TMEM127: variants seen among roughly 807,000 people sequenced by gnomAD.
TMEM127 encodes the protein transmembrane protein 127.
TMEM127 carries 21 observed loss-of-function variants against 20.1 expected under a neutral mutation model. The ratio of observed to expected loss-of-function variants is 1.04; its 90% CI spans 0.74 to 1.50. The LOEUF is 1.50. Among genes scored for constraint, TMEM127 ranks in the 40% most tolerant of loss-of-function variants. The pLI, the probability that TMEM127 is intolerant of heterozygous loss-of-function variation, is 0.00. For synonymous variants in TMEM127, 150 were observed against 144.7 expected (o/e 1.04, Z -0.26); for missense variants, 303 against 317.4 (o/e 0.95, Z 0.34).
chr2:96,265,281 G>C lies in TMEM127; in HGVS notation c.101C>G (p.Ala34Gly), dbSNP rs1451389209. The C allele has an allele frequency of 1.9e-6, 3 of 1,566,394 alleles. No homozygotes were observed. Among genetic ancestry groups the C allele is most frequent in the Non-Finnish European group, 2.6e-6 (3 of 1,162,524 alleles). ...PKQPERSLASALPGALSITAL... is the reference protein window; with the variant it reads ...PKQPERSLASGLPGALSITAL... ...CGTGATAGACAGGGCGCCAGGCAGG[G>C]CCGAGGCCAGGCTACGCTCCGGCTG... The change falls in exon 2 of 4, where the codon GCC becomes GGC. Residue 34 changes from alanine to glycine, a missense_variant. Ala to Gly is a moderately conservative substitution (Grantham distance 60). Coordinates refer to ENST00000258439, the MANE Select transcript of TMEM127 (RefSeq NM_017849.4).
intron 2 of TMEM127, among the ~76,000 whole-genome samples, chr2:96,256,043 C>T (rs931360230): frequency 6.6e-5 from 10 of 151,796 alleles, no homozygotes; most frequent in East Asian, 1.9e-4. Context: ...GAGGCCGAGG[C>T]GGGCAGATCA....
chr2:96,256,502 T>C (rs1428030525), intron 2 of TMEM127, among the ~76,000 whole-genome samples: 2 of 141,708 alleles, frequency 1.4e-5, no homozygotes, highest in African/African-American at 2.7e-5. Flanking sequence ...ACCTGGGAGA[T>C]GGAGGTTGCG....
At position 96,251,791 on chromosome 2, in the gene TMEM127, G is replaced by A. The variant is rs1684097201; in HGVS notation, c.*2017C>T. 4.3e-6 allele frequency: 1 copy of A among 233,198 alleles called. No individual in the cohort carries two copies. Among genetic ancestry groups the A allele is most frequent in the East Asian group, 6.1e-5 (1 of 16,522 alleles). 14.4% of individuals were successfully genotyped at this position (233,198 alleles called of 1,614,324 possible). ...AAAGAGAAAGAAGAGGAAGGCCAAAGACATGGGGAGTGAATAAAAAGTGGG... is the reference window on the plus strand; with the variant it reads ...AAAGAGAAAGAAGAGGAAGGCCAAAAACATGGGGAGTGAATAAAAAGTGGG... On this transcript the variant is annotated 3_prime_UTR_variant, in exon 4 of 4. Coordinates refer to ENST00000258439, the MANE Select transcript of TMEM127 (RefSeq NM_017849.4).
In TMEM127 at chr2:96,254,909, G is replaced by A. The variant is rs1467642553; in HGVS notation, c.333C>T (p.Phe111=). 10 of 1,614,040 alleles carry A rather than the reference G, an allele frequency of 6.2e-6. No homozygotes were observed. Among genetic ancestry groups the A allele is most frequent in the African/African-American group, 2.7e-5 (2 of 74,922 alleles). Residue 111 remains phenylalanine (F), a synonymous_variant, in exon 3 of 4, where the codon TTC becomes TTT. Transcript: ENST00000258439. Reference sequence around the variant, plus strand: ...GCTTCGGCCCAAAGACATCCAGAAGGAAAGCGGAGAGACTACACAGGATGC... The same window carrying A: ...GCTTCGGCCCAAAGACATCCAGAAGAAAAGCGGAGAGACTACACAGGATGC... The part of the protein sequence containing the change: ...FLGILCSLSA[F]LLDVFGPKHP...
chr2:96,260,005 A>G (rs1259112098), intron 2 of TMEM127, among the ~76,000 whole-genome samples: 1 of 152,234 alleles, frequency 6.6e-6, no homozygotes, highest in Non-Finnish European at 1.5e-5. Flanking sequence ...GTATGACAAT[A>G]TGATAGAGAG....
chr2:96,262,575 G>A (rs917148861), intron 2 of TMEM127, among the ~76,000 whole-genome samples: 7 of 152,224 alleles, frequency 4.6e-5, no homozygotes, highest in Non-Finnish European at 1.0e-4. Context: ...GATGGCCACA[G>A]GCAAGCAAGT....
At chr2:96,263,678 G>A (rs1251765853) in intron 2 of TMEM127, among the ~76,000 whole-genome samples, 2 of 152,150 alleles carry the variant, frequency 1.3e-5, no homozygotes, top group African/African-American at 4.8e-5. Flanking sequence ...ATCAACAGAG[G>A]TGGGGTAGTC....
At chr2:96,265,058 G>T in intron 2 of TMEM127, 80 bp downstream of exon 2, 1 of 1,584,422 alleles carries the variant, frequency 6.3e-7, no homozygotes. Flanking sequence ...CAAGTGTCTG[G>T]TCCCTGGCTA....
In TMEM127 at chr2:96,250,565, A is replaced by G; in HGVS notation, c.*3243T>C. The stretch of plus-strand genomic sequence containing the variant: ...CTGAATGGACATGAAATGAGAACAC[A>G]CTCCCAGCTTCCAAGAAAGATGTGT... On this transcript the variant is annotated 3_prime_UTR_variant, in exon 4 of 4. Coordinates refer to ENST00000258439, the MANE Select transcript of TMEM127 (RefSeq NM_017849.4). 4.3e-6 allele frequency: 1 copy of G among 232,892 alleles called. No individual in the cohort carries two copies. Among genetic ancestry groups the G allele is most frequent in the Non-Finnish European group, 8.5e-6 (1 of 117,854 alleles). The allele number at this position is 232,892 out of a possible 1,614,324, so 14.4% of individuals were successfully genotyped here. A position where few individuals can be genotyped will look rare whatever the true frequency, so the allele number is the denominator to read the frequency against.
At position 96,263,655 on chromosome 2, in the gene TMEM127, A is replaced by G. The variant is rs185834538; in HGVS notation, c.244+1483T>C. Among the ~76,000 whole-genome samples, 282 of 152,320 alleles carry G rather than the reference A, an allele frequency of 1.9e-3. 1 individual carries two copies. The highest frequency in any genetic ancestry group is 3.6e-3 in the Non-Finnish European group (246 of 68,022). ...TAAAAACTATAAATGACACGGCATCATTTTATATTGGCATCAACAGAGGTG... is the reference window on the plus strand; with the variant it reads ...TAAAAACTATAAATGACACGGCATCGTTTTATATTGGCATCAACAGAGGTG... On this transcript the variant is annotated intron_variant, in intron 2 of 3. Coordinates refer to ENST00000258439, the MANE Select transcript of TMEM127 (RefSeq NM_017849.4).
intron 2 of TMEM127, among the ~76,000 whole-genome samples, chr2:96,259,665 G>T (rs1343702482): frequency 6.6e-6 from 1 of 152,258 alleles, no homozygotes; most frequent in Non-Finnish European, 1.5e-5. Context: ...CAGGACACCG[G>T]AAAGGCTTGG....
At chr2:96,262,260 T>C (rs62153032) in intron 2 of TMEM127, among the ~76,000 whole-genome samples, 1 of 135,826 alleles carries the variant, frequency 7.4e-6, no homozygotes, top group Non-Finnish European at 1.6e-5. Context: ...GTCTGTCTCA[T>C]TTAAAAAAAA....
chr2:96,257,090 G>A (rs778847548), intron 2 of TMEM127, among the ~76,000 whole-genome samples: 8 of 152,354 alleles, frequency 5.3e-5, no homozygotes, highest in Non-Finnish European at 1.0e-4. Context: ...GAGAGCCCAT[G>A]ACAACAACCA....
intron 2 of TMEM127, among the ~76,000 whole-genome samples, chr2:96,256,571 CAAAAAAA>C (rs1234363746): frequency 3.7e-5 from 2 of 54,666 alleles, no homozygotes; most frequent in Admixed American, 2.0e-4. Flanking sequence ...AACTCTGTCT[CAAAAAAA>C]AAAAAAAAAA....
chr2:96,256,511 C>T (rs1164898583), intron 2 of TMEM127, among the ~76,000 whole-genome samples: 4 of 143,140 alleles, frequency 2.8e-5, no homozygotes, highest in Admixed American at 7.4e-5. Context: ...ATGGAGGTTG[C>T]GGTGAGCCGA....
In TMEM127 at chr2:96,248,833, C is replaced by T; in HGVS notation, c.*4975G>A. 1 of 232,426 alleles carries T rather than the reference C, an allele frequency of 4.3e-6. No homozygotes were observed. Among genetic ancestry groups the T allele is most frequent in the East Asian group, 6.1e-5 (1 of 16,496 alleles). The allele number at this position is 232,426 out of a possible 1,614,324, so 14.4% of individuals were successfully genotyped here. On this transcript the variant is annotated 3_prime_UTR_variant, in exon 4 of 4. Coordinates refer to ENST00000258439, the MANE Select transcript of TMEM127 (RefSeq NM_017849.4). ...TTAAGCCAGACGGACTCACAGCTGT[C>T]TCTGGAAAGTTCTTCGTTACCTGAC...
Position 96,255,003 on chromosome 2 carries a change from G to C in TMEM127, c.245-6C>G, listed in dbSNP as rs1573970396. ...CTGGGGATTCATGCAGAAATCTGTA[G>C]AGGGAGAACCAAATTTTCACGGCCC... On this transcript the variant is annotated splice_polypyrimidine_tract_variant and splice_region_variant and intron_variant, in intron 2 of 3. Coordinates refer to ENST00000258439, the MANE Select transcript of TMEM127 (RefSeq NM_017849.4). 1.9e-6 allele frequency: 3 copies of C among 1,614,124 alleles called. No individual in the cohort carries two copies. Among genetic ancestry groups the C allele is most frequent in the Non-Finnish European group, 2.5e-6 (3 of 1,179,994 alleles).
At position 96,253,940 on chromosome 2, in the gene TMEM127, G is replaced by A. The variant is rs758874572; in HGVS notation, c.585C>T (p.Leu195=). 8 of 1,613,958 alleles carry A rather than the reference G, an allele frequency of 5.0e-6. No individual in the cohort carries two copies. The South Asian group carries it at 6.6e-5, about 13-fold the overall frequency. Residue 195 remains leucine, a synonymous_variant, in exon 4 of 4, where the codon CTC becomes CTT. Transcript: ENST00000258439. The surrounding 1 kb of genome is among the most constrained non-coding windows in gnomAD (Gnocchi z 4.3). ...CTTCCTCTGTGGGGTAGTGGCGCAG[G>A]AGGTTGGCTGCCGTGGCCAGGATTG... is the stretch of plus-strand genomic sequence containing the variant. ...GASILATAAN[L]LRHYPTEEEE...
At position 96,252,596 on chromosome 2, in the gene TMEM127, C is replaced by T; in HGVS notation, c.*1212G>A. The T allele has an allele frequency of 4.3e-6, 1 of 234,086 alleles. No individual in the cohort carries two copies. The highest frequency in any genetic ancestry group is 8.5e-6 in the Non-Finnish European group (1 of 118,324). The allele number at this position is 234,086 out of a possible 1,614,324, so 14.5% of individuals were successfully genotyped here. ...TGGAGTCCCGAGTCAGAGTCTAGGGCAGCACTGGGTCTGAAGGACACAGCC... is the reference window on the plus strand; with the variant it reads ...TGGAGTCCCGAGTCAGAGTCTAGGGTAGCACTGGGTCTGAAGGACACAGCC... On this transcript the variant is annotated 3_prime_UTR_variant, in exon 4 of 4. Transcript: ENST00000258439. The surrounding 1 kb of genome is among the most constrained non-coding windows in gnomAD (Gnocchi z 4.2).
Sources: allele counts gnomAD v4.1 joint callset (sites outside exome capture counted in the v4.1 genomes callset), GRCh38; gene constraint gnomAD v4.1.1; non-coding constraint Gnocchi (gnomAD v3.1); transcripts MANE v1.5; gene names NCBI Gene and HGNC (gene_info 2026-07-23, HGNC 2026-07-21).